WDR70: variants seen among roughly 807,000 people sequenced by gnomAD.
The protein encoded by WDR70 is WD repeat-containing protein 70.
WDR70 carries 53 observed loss-of-function variants against 88.6 expected under a neutral mutation model. That is an observed-to-expected ratio of 0.60 (90% CI 0.48 to 0.75). WDR70 has a LOEUF of 0.75. WDR70 is among the 30% of genes least tolerant of loss of function. WDR70 has a pLI of 0.00. For synonymous variants in WDR70, 280 were observed against 270.0 expected (o/e 1.04, Z -0.36); for missense variants, 610 against 823.2 (o/e 0.74, Z 3.17).
intron 14 of WDR70, 82 bp from the exon 15 acceptor site, chr5:37,722,773 T>C: frequency 7.5e-7 from 1 of 1,328,060 alleles, no homozygotes; most frequent in Non-Finnish European, 1.1e-6. Flanking sequence ...AGTATGTTCC[T>C]GAAAGTATCT....
intron 9 of WDR70, among the ~76,000 whole-genome samples, chr5:37,571,789 C>T (rs1479730983): frequency 6.6e-6 from 1 of 152,124 alleles, no homozygotes; most frequent in African/African-American, 2.4e-5. Flanking sequence ...CTTTTCTACA[C>T]CTGTTCTGAC....
chr5:37,510,794 C>T (rs1740700232), intron 8 of WDR70, among the ~76,000 whole-genome samples: 1 of 152,124 alleles, frequency 6.6e-6, no homozygotes, highest in Non-Finnish European at 1.5e-5. Flanking sequence ...ATTATTTCGT[C>T]TTTATTTTTC....
At chr5:37,565,111 C>G (rs1742699385) in intron 9 of WDR70, among the ~76,000 whole-genome samples, 1 of 152,036 alleles carries the variant, frequency 6.6e-6, no homozygotes, top group South Asian at 2.1e-4. Context: ...TCTTACAGAT[C>G]TTGTTCTTTC....
chr5:37,692,350 C>T (rs1252466173), intron 10 of WDR70, among the ~76,000 whole-genome samples: 1 of 152,152 alleles, frequency 6.6e-6, no homozygotes, highest in African/African-American at 2.4e-5. Context: ...AGAGGGAATC[C>T]TCCCTAACTC....
At chr5:37,686,112 G>A (rs1056051137) in intron 10 of WDR70, among the ~76,000 whole-genome samples, 4 of 151,970 alleles carry the variant, frequency 2.6e-5, no homozygotes, top group African/African-American at 9.7e-5. Context: ...ATGACCAGCT[G>A]GGCGACAAAG....
intron 10 of WDR70, among the ~76,000 whole-genome samples, chr5:37,622,057 C>A (rs1744520732): frequency 6.6e-6 from 1 of 152,120 alleles, no homozygotes; most frequent in Non-Finnish European, 1.5e-5. Flanking sequence ...GGCATTATTT[C>A]TGCGGGCTCT....
chr5:37,460,685 T>A (rs1738965240), intron 7 of WDR70, among the ~76,000 whole-genome samples: 2 of 18,146 alleles, frequency 1.1e-4, no homozygotes, highest in Admixed American at 8.4e-4. Context: ...AAACTTAGAG[T>A]ATAATAAAAA....
At chr5:37,467,913 A>G in intron 7 of WDR70, among the ~76,000 whole-genome samples, 1 of 151,734 alleles carries the variant, frequency 6.6e-6, no homozygotes, top group Non-Finnish European at 1.5e-5. Flanking sequence ...ATGGGGTTTC[A>G]CCGTGTTAGC....
At chr5:37,432,940 G>T (rs939112655) in intron 5 of WDR70, among the ~76,000 whole-genome samples, 1 of 152,006 alleles carries the variant, frequency 6.6e-6, no homozygotes, top group Admixed American at 6.6e-5. Context: ...ATATAATCTG[G>T]ATTTTAATCC....
At position 37,580,964 on chromosome 5, in the gene WDR70, G is replaced by T. The variant is rs1313262390; in HGVS notation, c.918-24100G>T. Among the ~76,000 whole-genome samples the T allele has an allele frequency of 1.2e-4, 19 of 152,322 alleles. No homozygotes were observed. The East Asian group carries it at 3.7e-3, about 29-fold the overall frequency. On this transcript the variant is annotated intron_variant, in intron 9 of 17. Transcript: ENST00000265107. The stretch of plus-strand genomic sequence containing the variant: ...GGGCCATGGGAAGGTTAGGGTGAAG[G>T]AATAAAGTTAGTTCACAAAGAATTA...
intron 5 of WDR70, among the ~76,000 whole-genome samples, chr5:37,403,741 G>A (rs1029398413): frequency 5.4e-4 from 82 of 151,676 alleles, no homozygotes; most frequent in African/African-American, 1.9e-3. Context: ...TTTTTTTAAA[G>A]ATGGGGTCTT....
chr5:37,500,788 C>T (rs567331762), intron 8 of WDR70, among the ~76,000 whole-genome samples: 28 of 130,320 alleles, frequency 2.1e-4, no homozygotes, highest in South Asian at 1.3e-3. Context: ...TGCAATGGCG[C>T]GATCTCAGCT....
intron 5 of WDR70, among the ~76,000 whole-genome samples, chr5:37,402,027 TTC>T (rs1331196652): frequency 6.6e-6 from 1 of 152,210 alleles, no homozygotes; most frequent in South Asian, 2.1e-4. Context: ...CTAGAACTTA[TTC>T]TTTCTGTCTA....
At chr5:37,416,546 GGGGAGA>G (rs796254163) in intron 5 of WDR70, among the ~76,000 whole-genome samples, 28 of 150,014 alleles carry the variant, frequency 1.9e-4, no homozygotes, top group East Asian at 1.8e-3. Flanking sequence ...GGGAGATCGT[GGGGAGA>G]GGGAGAGGGA....
intron 5 of WDR70, among the ~76,000 whole-genome samples, chr5:37,423,451 C>T (rs2111999397): frequency 6.6e-6 from 1 of 150,972 alleles, no homozygotes; most frequent in Non-Finnish European, 1.5e-5. Context: ...TGATTTTCAA[C>T]TACCATAGTT....
intron 9 of WDR70, among the ~76,000 whole-genome samples, chr5:37,518,362 T>A (rs1434569580): frequency 6.6e-6 from 1 of 152,150 alleles, no homozygotes; most frequent in East Asian, 1.9e-4. Context: ...TCCGCTACCC[T>A]CTTCAGCGTC....
At chr5:37,498,374 TC>T (rs1355158024) in intron 8 of WDR70, among the ~76,000 whole-genome samples, 1 of 152,172 alleles carries the variant, frequency 6.6e-6, no homozygotes, top group African/African-American at 2.4e-5. Context: ...GTTTTTTCAC[TC>T]CTCCTTTTCT....
chr5:37,514,867 T>A (rs1467149648), intron 8 of WDR70, among the ~76,000 whole-genome samples: 1 of 151,416 alleles, frequency 6.6e-6, no homozygotes, highest in African/African-American at 2.4e-5. Flanking sequence ...AATACAAAAA[T>A]TAGCCAGGCA....
chr5:37,670,345 G>A (rs928290283), intron 10 of WDR70, among the ~76,000 whole-genome samples: 5 of 152,154 alleles, frequency 3.3e-5, no homozygotes, highest in African/African-American at 1.2e-4. Context: ...CAGTGACAGA[G>A]GCAGCGAGAG....
Sources: gnomAD v4.1 joint callset for allele counts (sites outside exome capture counted in the v4.1 genomes callset) on GRCh38, gnomAD v4.1.1 for gene constraint, MANE v1.5 for transcripts, NCBI Gene and HGNC (gene_info 2026-07-23, HGNC 2026-07-21) for gene names.